Variants in BBC3 observed in about 807,000 individuals in gnomAD.
The protein encoded by BBC3 is BCL2 binding component 3.
Under a neutral mutation model 18.2 loss-of-function variants are expected in BBC3, and 5 were observed. The observed-to-expected ratio is 0.27, with a 90% CI of 0.14 to 0.58. The LOEUF (loss-of-function observed/expected upper bound fraction) is 0.58. BBC3 is among the 20% of genes least tolerant of loss of function. BBC3 has a pLI of 0.91. For missense variants in BBC3, 224 were observed against 268.9 expected, an observed-to-expected ratio of 0.83 and a Z score of 1.17; for synonymous variants, 119 against 128.0, an observed-to-expected ratio of 0.93 and a Z score of 0.47.
chr19:47,228,561 G>C lies in BBC3; in HGVS notation c.-15-115C>G. 9.5e-7 allele frequency: 1 copy of C among 1,054,396 alleles called. No homozygotes were observed. The highest frequency in any genetic ancestry group is 1.2e-6 in the Non-Finnish European group (1 of 828,854). 65.3% of individuals were successfully genotyped at this position (1,054,396 alleles called of 1,614,324 possible). ...GAAGAGTGGAGGTGTGTGTGCATGCGGAGGGGGTGACGGCCCCACAGAGAC... is the reference window on the plus strand; with the variant it reads ...GAAGAGTGGAGGTGTGTGTGCATGCCGAGGGGGTGACGGCCCCACAGAGAC... On this transcript the variant is annotated intron_variant, in intron 1 of 3. Coordinates refer to ENST00000439096, the MANE Select transcript of BBC3 (RefSeq NM_014417.5). This position sits in a 1 kb window ranked among gnomAD's most constrained non-coding sequence, Gnocchi z 5.5.
chr19:47,222,054 G>A, intron 3 of BBC3, 136 bp from the exon 4 acceptor site: 1 of 760,622 alleles, frequency 1.3e-6, no homozygotes, highest in Non-Finnish European at 2.0e-6. Flanking sequence ...CTGGGCTAAT[G>A]TCCATGTCTC....
upstream of BBC3, chr19:47,232,674 G>A (rs2123406475): frequency 2.2e-6 from 3 of 1,392,832 alleles, no homozygotes; most frequent in Admixed American, 4.4e-5. Flanking sequence ...CTCTGGTTTG[G>A]TGAGTTTTGT....
At chr19:47,226,460 C>G (rs988925350) in intron 3 of BBC3, 104 bp downstream of exon 3, 1 of 1,222,912 alleles carries the variant, frequency 8.2e-7, no homozygotes, top group Non-Finnish European at 1.1e-6. Context: ...CGGAGCGACC[C>G]AGCCGCGCAG....
In BBC3 at chr19:47,228,185, T is replaced by G; in HGVS notation, c.247A>C (p.Ser83Arg). 1 of 1,108,680 alleles carries G rather than the reference T, an allele frequency of 9.0e-7. No homozygotes were observed. The allele number at this position is 1,108,680 out of a possible 1,614,324, so 68.7% of individuals were successfully genotyped here. A position where few individuals can be genotyped will look rare whatever the true frequency, so the allele number is the denominator to read the frequency against. ...GGSRWPGGPR[S>R]RPRGPRPDGP... ...TCCGGGCGCGGGCCTCGGGGCCGGC[T>G]GCGGGGACCCCCAGGCCAGCGGGAA... Residue 83 changes from serine (S) to arginine (R), a missense_variant, in exon 2 of 4, where the codon AGC becomes CGC. Transcript: ENST00000439096. The surrounding 1 kb of genome is among the most constrained non-coding windows in gnomAD (Gnocchi z 5.5).
chr19:47,230,686 ATTGT>A lies in BBC3; in HGVS notation c.-16+239_-16+242del, dbSNP rs1427704512. On this transcript the variant is annotated intron_variant, in intron 1 of 3. Transcript: ENST00000439096. The surrounding 1 kb of genome is among the most constrained non-coding windows in gnomAD (Gnocchi z 6.7). The stretch of plus-strand genomic sequence containing the variant: ...GGGGGCGCTGCCGAGCCCGCACCCC[ATTGT>A]TTGTAAACAAACCCGCCAGACCGCC... The A allele has an allele frequency of 1.0e-6, 1 of 975,702 alleles. No homozygotes were observed. Among genetic ancestry groups the A allele is most frequent in the Non-Finnish European group, 1.2e-6 (1 of 821,360 alleles). The allele number at this position is 975,702 out of a possible 1,614,324, so 60.4% of individuals were successfully genotyped here.
rs761761200 is a variant in BBC3 at position 47,228,333 on chromosome 19, C to G, written c.99G>C (p.Ser33=). The G allele has an allele frequency of 1.2e-5, 15 of 1,228,172 alleles. No individual in the cohort carries two copies. In the African/African-American group the frequency reaches 1.7e-4, roughly 14 times the overall value. The allele number at this position is 1,228,172 out of a possible 1,614,324, so 76.1% of individuals were successfully genotyped here. ...RPFPLGRLVP[S]AVSCGLCEPG... The stretch of plus-strand genomic sequence containing the variant: ...GCTCGCAGAGGCCGCAGGACACTGC[C>G]GAGGGCACCAGGCGGCCGAGCGGGA... The change falls in exon 2 of 4, where the codon TCG becomes TCC. Residue 33 remains serine, a synonymous_variant. Transcript: ENST00000439096. The surrounding 1 kb of genome is among the most constrained non-coding windows in gnomAD (Gnocchi z 5.5).
rs2058904435 is a variant in BBC3, at chr19:47,230,811, G to C, written c.-16+118C>G. The C allele has an allele frequency of 1.0e-6, 1 of 985,080 alleles. No individual in the cohort carries two copies. Among genetic ancestry groups the C allele is most frequent in the Non-Finnish European group, 1.2e-6 (1 of 829,864 alleles). 61.0% of individuals were successfully genotyped at this position (985,080 alleles called of 1,614,324 possible). A position where few individuals can be genotyped will look rare whatever the true frequency, so the allele number is the denominator to read the frequency against. On this transcript the variant is annotated intron_variant, in intron 1 of 3. Coordinates refer to ENST00000439096, the MANE Select transcript of BBC3 (RefSeq NM_014417.5). This position sits in a 1 kb window ranked among gnomAD's most constrained non-coding sequence, Gnocchi z 6.7. ...TCCCTCGCGGGGTTTGGAGAGGCGC[G>C]GTGTGGGGAGGCAGGGCGCCCACAC...
rs1404097158 is a variant in BBC3, at chr19:47,221,894, G to C, written c.490C>G (p.Arg164Gly). The C allele has an allele frequency of 2.5e-6, 4 of 1,608,720 alleles. No homozygotes were observed. The South Asian group carries it at 4.4e-5, about 18-fold the overall frequency. ...RRRQEEQQRH[R>G]PSPWRVLYNL... The stretch of plus-strand genomic sequence containing the variant: ...TACAGGACCCTCCAGGGTGAGGGGC[G>C]GTGCCGCTGCTGCTCCTCTTGTCTC... The change falls in exon 4 of 4, where the codon CGC becomes GGC. Residue 164 changes from arginine (R) to glycine (G), a missense_variant. Physicochemically the swap from Arg to Gly is moderately radical, Grantham distance 125. Coordinates refer to ENST00000439096, the MANE Select transcript of BBC3 (RefSeq NM_014417.5).
chr19:47,229,229 CCA>C (rs1365169743), intron 1 of BBC3, among the ~76,000 whole-genome samples: 3 of 151,558 alleles, frequency 2.0e-5, no homozygotes, highest in African/African-American at 7.3e-5. Context: ...ATGCCCCTCT[CCA>C]CACACACACA....
chr19:47,232,552 C>G, upstream of BBC3: 2 of 1,548,878 alleles, frequency 1.3e-6, no homozygotes, highest in South Asian at 2.4e-5. Context: ...TGGAAGCAGC[C>G]CTGGGCACCT....
chr19:47,226,480 T>A, intron 3 of BBC3, 84 bp downstream of exon 3: 1 of 1,115,642 alleles, frequency 9.0e-7, no homozygotes, highest in Non-Finnish European at 1.1e-6. Flanking sequence ...GGGCAGCAGC[T>A]GCCGCACATC....
At chr19:47,224,144 A>G (rs2058783472) in intron 3 of BBC3, among the ~76,000 whole-genome samples, 1 of 151,908 alleles carries the variant, frequency 6.6e-6, no homozygotes, top group Non-Finnish European at 1.5e-5. Flanking sequence ...AAAATACAAA[A>G]ATTAGCTGGG....
rs2058894546 is a variant in BBC3, at chr19:47,230,342, AC to A, written c.-16+586del. ...ACCCAGGCGAGACACCTGCAGATCCACAACCCCGCACACGCGCGCTCCCACG... is the reference window on the plus strand; with the variant it reads ...ACCCAGGCGAGACACCTGCAGATCCAAACCCCGCACACGCGCGCTCCCACG... On this transcript the variant is annotated intron_variant, in intron 1 of 3. Transcript: ENST00000439096. This position sits in a 1 kb window ranked among gnomAD's most constrained non-coding sequence, Gnocchi z 6.7. Among the ~76,000 whole-genome samples, 1 of 151,918 alleles carries A rather than the reference AC, an allele frequency of 6.6e-6. No homozygotes were observed. Among genetic ancestry groups the A allele is most frequent in the African/African-American group, 2.4e-5 (1 of 41,376 alleles).
chr19:47,225,746 C>A (rs2058808033), intron 3 of BBC3, among the ~76,000 whole-genome samples: 1 of 152,116 alleles, frequency 6.6e-6, no homozygotes, highest in Non-Finnish European at 1.5e-5. Flanking sequence ...GAAACAAAAA[C>A]TATGTCATAT....
At position 47,228,435 on chromosome 19, in the gene BBC3, G is replaced by A; in HGVS notation, c.-4C>T. The A allele has an allele frequency of 8.1e-7, 1 of 1,231,642 alleles. No homozygotes were observed. Among genetic ancestry groups the A allele is most frequent in the Non-Finnish European group, 1.0e-6 (1 of 987,622 alleles). 76.3% of individuals were successfully genotyped at this position (1,231,642 alleles called of 1,614,324 possible). A position where few individuals can be genotyped will look rare whatever the true frequency, so the allele number is the denominator to read the frequency against. On this transcript the variant is annotated 5_prime_UTR_variant, in exon 2 of 4. Coordinates refer to ENST00000439096, the MANE Select transcript of BBC3 (RefSeq NM_014417.5). This position sits in a 1 kb window ranked among gnomAD's most constrained non-coding sequence, Gnocchi z 5.5. ...CCTCCTGGCGTGCGCGGGCCATGGC[G>A]CTCCCTGGGGCCTGCGGGACACGGG...
Position 47,228,764 on chromosome 19 carries a change from C to G in BBC3, c.-15-318G>C, listed in dbSNP as rs1174203741. 1.3e-5 allele frequency among the ~76,000 whole-genome samples: 2 copies of G among 151,908 alleles called. No individual in the cohort carries two copies. Among genetic ancestry groups the G allele is most frequent in the East Asian group, 3.9e-4 (2 of 5,192 alleles). ...GTGTGTGTATGAGGGCTGTGACAGT[C>G]CCACAACACAAACTCACTCCACTTG... On this transcript the variant is annotated intron_variant, in intron 1 of 3. Coordinates refer to ENST00000439096, the MANE Select transcript of BBC3 (RefSeq NM_014417.5). The surrounding 1 kb of genome is among the most constrained non-coding windows in gnomAD (Gnocchi z 5.5).
chr19:47,231,939 T>C (rs555445959), upstream of BBC3, among the ~76,000 whole-genome samples: 9 of 152,206 alleles, frequency 5.9e-5, no homozygotes, highest in Admixed American at 3.9e-4. This position sits in a 1 kb window ranked among gnomAD's most constrained non-coding sequence, Gnocchi z 4.0. Context: ...GACACACACA[T>C]ACACACAGAC....
rs1250947121 is a variant in BBC3, at chr19:47,221,937, A to C, written c.466-19T>G. On this transcript the variant is annotated intron_variant, in intron 3 of 3. Coordinates refer to ENST00000439096, the MANE Select transcript of BBC3 (RefSeq NM_014417.5). ...CTTGTCTCTGGGGAAAAGAGAGAGAAGGGGCAGTTAGCAGGGGACTGAGTA... is the reference window on the plus strand; with the variant it reads ...CTTGTCTCTGGGGAAAAGAGAGAGACGGGGCAGTTAGCAGGGGACTGAGTA... 3 of 1,583,806 alleles carry C rather than the reference A, an allele frequency of 1.9e-6. No homozygotes were observed. Among genetic ancestry groups the C allele is most frequent in the African/African-American group, 2.7e-5 (2 of 73,648 alleles).
At position 47,228,664 on chromosome 19, in the gene BBC3, G is replaced by A. The variant is rs1376797310; in HGVS notation, c.-15-218C>T. Among the ~76,000 whole-genome samples, 1 of 152,072 alleles carries A rather than the reference G, an allele frequency of 6.6e-6. No homozygotes were observed. Among genetic ancestry groups the A allele is most frequent in the Non-Finnish European group, 1.5e-5 (1 of 68,006 alleles). On this transcript the variant is annotated intron_variant, in intron 1 of 3. Transcript: ENST00000439096. The surrounding 1 kb of genome is among the most constrained non-coding windows in gnomAD (Gnocchi z 5.5). ...CCGTGCATACGGTGATGGGCACACA[G>A]GAGGGACAGGGGGCACAGGACGGCT...
Sources: allele counts gnomAD v4.1 joint callset (sites outside exome capture counted in the v4.1 genomes callset), GRCh38; gene constraint gnomAD v4.1.1; non-coding constraint Gnocchi (gnomAD v3.1); transcripts MANE v1.5; gene names NCBI Gene and HGNC (gene_info 2026-07-23, HGNC 2026-07-21).